The following CYP39A1 variants were observed in gnomAD, a reference collection of about 807,000 sequenced individuals.
The protein encoded by CYP39A1 is 24-hydroxycholesterol 7-alpha-hydroxylase.
CYP39A1 carries 49 observed loss-of-function variants against 58.1 expected under a neutral mutation model. The ratio of observed to expected loss-of-function variants is 0.84; its 90% CI spans 0.67 to 1.07. The LOEUF (loss-of-function observed/expected upper bound fraction) is 1.07, where lower values mean the gene tolerates loss of function less well. CYP39A1 is among the 50% of genes least tolerant of loss of function. The pLI is 0.00. For missense variants in CYP39A1, 531 were observed against 539.4 expected, an observed-to-expected ratio of 0.98 and a Z score of 0.16; for synonymous variants, 209 against 187.6, an observed-to-expected ratio of 1.11 and a Z score of -0.93.
At chr6:46,561,393 G>A (rs369155451) in intron 10 of CYP39A1, among the ~76,000 whole-genome samples, 515 of 152,186 alleles carry the variant, frequency 3.4e-3, no homozygotes, top group Middle Eastern at 6.8e-3. Flanking sequence ...TGCAACAAGC[G>A]AAAAAGACAG....
chr6:46,599,402 A>G (rs1390435993), intron 7 of CYP39A1, among the ~76,000 whole-genome samples: 1 of 152,192 alleles, frequency 6.6e-6, no homozygotes, highest in Admixed American at 6.6e-5. Flanking sequence ...TGTTCAGATA[A>G]CAGGAATTCA....
chr6:46,636,349 C>T (rs1331541801), intron 5 of CYP39A1, 40 bp downstream of exon 5: 1 of 1,394,034 alleles, frequency 7.2e-7, no homozygotes, highest in Non-Finnish European at 1.0e-6. Flanking sequence ...TAATTTATTA[C>T]TATCTTTACA....
chr6:46,610,263 G>T (rs1448406029), intron 7 of CYP39A1, among the ~76,000 whole-genome samples: 6 of 152,156 alleles, frequency 3.9e-5, no homozygotes, highest in African/African-American at 1.4e-4. Context: ...GTACTCTTTT[G>T]TTATAGCAGT....
intron 1 of CYP39A1, among the ~76,000 whole-genome samples, chr6:46,645,239 A>G (rs1350769807): frequency 6.6e-6 from 1 of 152,178 alleles, no homozygotes; most frequent in Non-Finnish European, 1.5e-5. Context: ...ATATTCTTCT[A>G]TATTTCTTTC....
intron 9 of CYP39A1, 30 bp downstream of exon 9, chr6:46,588,004 G>A: frequency 7.9e-7 from 1 of 1,266,158 alleles, no homozygotes; most frequent in Admixed American, 2.2e-5. Context: ...TAAAATGAAA[G>A]AATAATATAT....
Position 46,652,794 on chromosome 6 carries a change from A to T in CYP39A1, c.-212T>A, listed in dbSNP as rs779803022. ...CCCTCCCACCTCCACTTCTCTTTGA[A>T]TCTCAGCCAGCGCGGAAAAAATGCA... On this transcript the variant is annotated 5_prime_UTR_variant, in exon 1 of 12. Coordinates refer to ENST00000275016, the MANE Select transcript of CYP39A1 (RefSeq NM_016593.5). 2.0e-6 allele frequency: 1 copy of T among 500,916 alleles called. No individual in the cohort carries two copies. Among genetic ancestry groups the T allele is most frequent in the Non-Finnish European group, 3.4e-6 (1 of 290,024 alleles). The allele number at this position is 500,916 out of a possible 1,614,324, so 31.0% of individuals were successfully genotyped here.
intron 10 of CYP39A1, among the ~76,000 whole-genome samples, chr6:46,556,538 T>G (rs1173447256): frequency 6.6e-6 from 1 of 152,024 alleles, no homozygotes; most frequent in South Asian, 2.1e-4. Flanking sequence ...CACAAGAAGC[T>G]GAATAAGGCC....
chr6:46,552,096 T>C (rs900193776), intron 11 of CYP39A1, among the ~76,000 whole-genome samples: 1 of 152,128 alleles, frequency 6.6e-6, no homozygotes, highest in Admixed American at 6.6e-5. Flanking sequence ...AAAAATCCTG[T>C]CTTAAGGAAT....
intron 7 of CYP39A1, among the ~76,000 whole-genome samples, chr6:46,601,930 T>C (rs1284471799): frequency 6.6e-6 from 1 of 152,120 alleles, no homozygotes; most frequent in Non-Finnish European, 1.5e-5. Flanking sequence ...AGAAACCCTT[T>C]CCTGGCCACC....
intron 10 of CYP39A1, chr6:46,586,170 C>T (rs569313777): frequency 9.5e-6 from 9 of 951,692 alleles, no homozygotes; most frequent in East Asian, 1.2e-4. Flanking sequence ...ACATGAAGAA[C>T]GGAAGGATGG....
At chr6:46,617,346 G>A (rs1774671334) in intron 7 of CYP39A1, among the ~76,000 whole-genome samples, 1 of 152,222 alleles carries the variant, frequency 6.6e-6, no homozygotes, top group South Asian at 2.1e-4. Flanking sequence ...GAAACAAAAT[G>A]CAGAGTGTTT....
chr6:46,562,183 T>G lies in CYP39A1; in HGVS notation c.1251-8329A>C, dbSNP rs541494869. ...GATTACAGGCACCTGCCACCACAAC[T>G]GGCTAACTTTTGTATTTTTAGTACA... On this transcript the variant is annotated intron_variant, in intron 10 of 11. Transcript: ENST00000275016. Among the ~76,000 whole-genome samples, 389 of 152,136 alleles carry G rather than the reference T, an allele frequency of 2.6e-3. 2 individuals carry two copies. The highest frequency in any genetic ancestry group is 9.1e-3 in the African/African-American group (376 of 41,522).
intron 7 of CYP39A1, among the ~76,000 whole-genome samples, chr6:46,609,414 CA>C (rs940212245): frequency 0.036 from 2,274 of 62,502 alleles, 16 homozygotes; most frequent in Non-Finnish European, 0.05. Context: ...GACTCCGTCT[CA>C]AAAAAAAAAA....
At position 46,566,416 on chromosome 6, in the gene CYP39A1, A is replaced by C. The variant is rs146601803; in HGVS notation, c.1251-12562T>G. ...TCATGGTAGAAGGTGAAGGGGAAGGAAGGCACCTTCTTCACAAGGCGGCAG... is the reference window on the plus strand; with the variant it reads ...TCATGGTAGAAGGTGAAGGGGAAGGCAGGCACCTTCTTCACAAGGCGGCAG... On this transcript the variant is annotated intron_variant, in intron 10 of 11. Coordinates refer to ENST00000275016, the MANE Select transcript of CYP39A1 (RefSeq NM_016593.5). Among the ~76,000 whole-genome samples, 915 of 152,278 alleles carry C rather than the reference A, an allele frequency of 6.0e-3. 7 individuals are homozygous for C. The highest frequency in any genetic ancestry group is 8.1e-3 in the Non-Finnish European group (553 of 68,012).
At chr6:46,651,388 G>C (rs1416869218) in intron 1 of CYP39A1, among the ~76,000 whole-genome samples, 1 of 152,134 alleles carries the variant, frequency 6.6e-6, no homozygotes, top group Non-Finnish European at 1.5e-5. Context: ...TCATGGTACA[G>C]GAAAGTCATT....
chr6:46,642,270 A>G lies in CYP39A1; in HGVS notation c.206T>C (p.Met69Thr), dbSNP rs1281059813. Residue 69 changes from methionine (M) to threonine (T), a missense_variant, in exon 2 of 12, where the codon ATG becomes ACG. Transcript: ENST00000275016. ...AGTAACAAAGGTCATTCGGTTTCCC[A>G]TAGCAAAGACTGTAAATATTGGTCC... is the stretch of plus-strand genomic sequence containing the variant. ...KYGPIFTVFAMGNRMTFVTEE... is the reference protein window; with the variant it reads ...KYGPIFTVFATGNRMTFVTEE... 6.2e-7 allele frequency: 1 copy of G among 1,612,732 alleles called. No homozygotes were observed. The highest frequency in any genetic ancestry group is 1.3e-5 in the African/African-American group (1 of 74,884).
intron 5 of CYP39A1, among the ~76,000 whole-genome samples, chr6:46,636,060 A>G (rs1775966107): frequency 6.6e-6 from 1 of 152,264 alleles, no homozygotes; most frequent in Non-Finnish European, 1.5e-5. Context: ...CCTATTTTGT[A>G]GAGCTTTGTT....
chr6:46,602,615 C>T (rs1017360764), intron 7 of CYP39A1, among the ~76,000 whole-genome samples: 3 of 147,838 alleles, frequency 2.0e-5, no homozygotes, highest in Non-Finnish European at 4.4e-5. Flanking sequence ...GAGTTCAAGA[C>T]CAGCCTGACC....
At chr6:46,643,180 C>T (rs918961467) in intron 1 of CYP39A1, among the ~76,000 whole-genome samples, 3 of 152,128 alleles carry the variant, frequency 2.0e-5, no homozygotes, top group Non-Finnish European at 2.9e-5. Context: ...TTTTTATTGG[C>T]GTCTAAGTAT....
Sources: gnomAD v4.1 joint callset for allele counts (sites outside exome capture counted in the v4.1 genomes callset) on GRCh38, gnomAD v4.1.1 for gene constraint, MANE v1.5 for transcripts, NCBI Gene and HGNC (gene_info 2026-07-23, HGNC 2026-07-21) for gene names.